Variants in LOXL2 observed in about 807,000 individuals in gnomAD.
The protein encoded by LOXL2 is lysyl oxidase homolog 2.
A neutral mutation model predicts 93.0 loss-of-function variants in LOXL2; 70 were observed. The ratio of observed to expected loss-of-function variants is 0.75; its 90% CI spans 0.62 to 0.92. The LOEUF (loss-of-function observed/expected upper bound fraction) is 0.92. LOXL2 is among the 40% of genes least tolerant of loss of function. The pLI, the probability that LOXL2 is intolerant of heterozygous loss-of-function variation, is 0.00. For missense variants in LOXL2, 973 were observed against 1,054.9 expected (o/e 0.92, Z 1.08); for synonymous variants, 438 against 413.2 (o/e 1.06, Z -0.73).
At chr8:23,300,689 C>T (rs767112588) in intron 12 of LOXL2, among the ~76,000 whole-genome samples, 2 of 152,150 alleles carry the variant, frequency 1.3e-5, no homozygotes, top group Non-Finnish European at 2.9e-5. Context: ...GTTGATATGT[C>T]TGGGGTTGGG....
chr8:23,332,784 CCCCACACTCATA>C (rs1432877933), intron 5 of LOXL2, among the ~76,000 whole-genome samples: 1 of 69,230 alleles, frequency 1.4e-5, no homozygotes, highest in Non-Finnish European at 2.9e-5. Context: ...TCATACACCC[CCCCACACTCATA>C]CCCACACTCA....
At chr8:23,334,099 G>A (rs1481682354) in intron 4 of LOXL2, among the ~76,000 whole-genome samples, 1 of 151,944 alleles carries the variant, frequency 6.6e-6, no homozygotes, top group Non-Finnish European at 1.5e-5. Context: ...AGGCAGAAGT[G>A]CAGTGGTGCA....
intron 3 of LOXL2, among the ~76,000 whole-genome samples, chr8:23,356,740 C>G (rs2117201002): frequency 6.6e-6 from 1 of 152,284 alleles, no homozygotes; most frequent in Middle Eastern, 3.4e-3. Context: ...GGGAGGCCTT[C>G]TAGGAAAATG....
At chr8:23,352,952 T>A (rs1366397454) in intron 3 of LOXL2, among the ~76,000 whole-genome samples, 1 of 148,030 alleles carries the variant, frequency 6.8e-6, no homozygotes, top group East Asian at 2.0e-4. Context: ...GCAATGGAAT[T>A]GCTTTTTGCA....
chr8:23,378,421 G>A (rs1226697157), intron 1 of LOXL2, among the ~76,000 whole-genome samples: 1 of 151,994 alleles, frequency 6.6e-6, no homozygotes, highest in Non-Finnish European at 1.5e-5. Flanking sequence ...ATGTGTCTTG[G>A]AGTTGCTCTT....
At position 23,387,837 on chromosome 8, in the gene LOXL2, C is replaced by G. The variant is rs146588088; in HGVS notation, c.-84+16117G>C. ...TAGTGGTGGGCACCTGTAATCCCAG[C>G]TACTTGGGAGACTGAGGCAGGAGAA... On this transcript the variant is annotated intron_variant, in intron 1 of 13. Coordinates refer to ENST00000389131, the MANE Select transcript of LOXL2 (RefSeq NM_002318.3). Among the ~76,000 whole-genome samples the G allele has an allele frequency of 5.0e-3, 766 of 152,226 alleles. 7 individuals carry two copies. Among genetic ancestry groups the G allele is most frequent in the African/African-American group, 0.017 (686 of 41,528 alleles).
intron 6 of LOXL2, among the ~76,000 whole-genome samples, chr8:23,323,425 C>G (rs1055168929): frequency 5.9e-5 from 9 of 152,218 alleles, no homozygotes; most frequent in Non-Finnish European, 1.0e-4. Flanking sequence ...CCTGCACTGT[C>G]CTCTTTCTGC....
At chr8:23,323,424 T>C (rs4345565) in intron 6 of LOXL2, among the ~76,000 whole-genome samples, 110,402 of 152,158 alleles carry the variant, frequency 0.73, 40,216 homozygotes, top group Non-Finnish European at 0.76. Flanking sequence ...TCCTGCACTG[T>C]CCTCTTTCTG....
At chr8:23,391,773 G>A (rs1315849936) in intron 1 of LOXL2, among the ~76,000 whole-genome samples, 1 of 152,192 alleles carries the variant, frequency 6.6e-6, no homozygotes, top group Non-Finnish European at 1.5e-5. Context: ...GGGGAGTGCT[G>A]AGATTTGGCC....
chr8:23,301,268 C>G (rs757333161), intron 12 of LOXL2, among the ~76,000 whole-genome samples: 5 of 152,162 alleles, frequency 3.3e-5, no homozygotes, highest in Non-Finnish European at 7.4e-5. Context: ...CTACGTGTAC[C>G]CGTGCACTGG....
At chr8:23,305,096 ATTT>A (rs1563184497) in intron 10 of LOXL2, among the ~76,000 whole-genome samples, 4 of 152,160 alleles carry the variant, frequency 2.6e-5, no homozygotes, top group African/African-American at 9.7e-5. Flanking sequence ...GAGAAAGTCT[ATTT>A]TGGCTTCTTG....
chr8:23,317,032 A>G lies in LOXL2; in HGVS notation c.1553T>C (p.Leu518Pro). 1 of 1,614,202 alleles carries G rather than the reference A, an allele frequency of 6.2e-7. No individual in the cohort carries two copies. The highest frequency in any genetic ancestry group is 8.5e-7 in the Non-Finnish European group (1 of 1,180,018). ...CTCCCCGTCGTGGCGGCAGTGCGCCAGGGACAGCTCCGTTCCCGAGCACTT... is the reference window on the plus strand; with the variant it reads ...CTCCCCGTCGTGGCGGCAGTGCGCCGGGGACAGCTCCGTTCCCGAGCACTT... ...GVKCSGTELS[L>P]AHCRHDGEDV... The change falls in exon 9 of 14, where the codon CTG becomes CCG. Residue 518 changes from leucine (L) to proline (P), a missense_variant. Coordinates refer to ENST00000389131, the MANE Select transcript of LOXL2 (RefSeq NM_002318.3).
intron 3 of LOXL2, among the ~76,000 whole-genome samples, chr8:23,343,770 T>C (rs777288252): frequency 6.6e-6 from 1 of 152,164 alleles, no homozygotes; most frequent in African/African-American, 2.4e-5. Context: ...CAGCCCTCAT[T>C]CAGGCCGCAG....
intron 1 of LOXL2, among the ~76,000 whole-genome samples, chr8:23,402,160 G>C (rs1016709289): frequency 6.6e-6 from 1 of 151,962 alleles, no homozygotes; most frequent in African/African-American, 2.4e-5. Flanking sequence ...GAATACATAT[G>C]CACACACATT....
intron 9 of LOXL2, among the ~76,000 whole-genome samples, chr8:23,316,046 A>C (rs1051384958): frequency 2.0e-5 from 3 of 152,208 alleles, no homozygotes; most frequent in African/African-American, 7.2e-5. Flanking sequence ...TGCCCAGCGA[A>C]GCCTGCCCTG....
In LOXL2 at chr8:23,324,169, C is replaced by G. The variant is rs565259524; in HGVS notation, c.1151-1888G>C. The stretch of plus-strand genomic sequence containing the variant: ...GACTGGACAGGACAGGTAAAGCCAA[C>G]TTAAGAGCCTAGCATGCTTCAGACT... On this transcript the variant is annotated intron_variant, in intron 6 of 13. Transcript: ENST00000389131. 2.7e-4 allele frequency among the ~76,000 whole-genome samples: 41 copies of G among 152,344 alleles called. 1 individual carries two copies. The South Asian group carries it at 8.3e-3, about 31-fold the overall frequency.
intron 4 of LOXL2, 50 bp downstream of exon 4, chr8:23,340,942 T>A (rs779999255): frequency 6.6e-7 from 1 of 1,519,438 alleles, no homozygotes; most frequent in Non-Finnish European, 9.1e-7. Context: ...TTAACTCTTT[T>A]AGGCAGGGCG....
In LOXL2 at chr8:23,368,446, G is replaced by A. The variant is rs1282691077; in HGVS notation, c.-83-12C>T. The A allele has an allele frequency of 3.9e-6, 4 of 1,030,740 alleles. No individual in the cohort carries two copies. The highest frequency in any genetic ancestry group is 2.6e-5 in the South Asian group (2 of 76,158). The allele number at this position is 1,030,740 out of a possible 1,614,324, so 63.8% of individuals were successfully genotyped here. ...GCAGCAGGAGCTTTCTGGAAGAGAG[G>A]AGAGATGCGTTAGGATGGGAACGTG... is the stretch of plus-strand genomic sequence containing the variant. On this transcript the variant is annotated splice_polypyrimidine_tract_variant and intron_variant, in intron 1 of 13. Transcript: ENST00000389131.
chr8:23,375,506 G>A (rs1463013721), intron 1 of LOXL2, among the ~76,000 whole-genome samples: 3 of 152,106 alleles, frequency 2.0e-5, no homozygotes, highest in Admixed American at 6.5e-5. Context: ...GCTTGATGGG[G>A]ATGGCATTGA....
Sources: gnomAD v4.1 joint callset for allele counts (sites outside exome capture counted in the v4.1 genomes callset) on GRCh38, gnomAD v4.1.1 for gene constraint, MANE v1.5 for transcripts, NCBI Gene and HGNC (gene_info 2026-07-23, HGNC 2026-07-21) for gene names.